The following PCDHA4 variants were observed in gnomAD, a reference collection of about 807,000 sequenced individuals.
The protein encoded by PCDHA4 is protocadherin alpha-4.
PCDHA4 carries 49 observed loss-of-function variants against 61.4 expected under a neutral mutation model. The ratio of observed to expected loss-of-function variants is 0.80; its 90% CI spans 0.63 to 1.01. The LOEUF (loss-of-function observed/expected upper bound fraction) is 1.01, where lower values mean the gene tolerates loss of function less well. PCDHA4 is among the 50% of genes least tolerant of loss of function. The pLI is 0.00. For synonymous variants in PCDHA4, 590 were observed against 550.3 expected (o/e 1.07, Z -1.01); for missense variants, 1,254 against 1,235.8 (o/e 1.01, Z -0.22).
In PCDHA4 at chr5:140,960,243, G is replaced by A. The variant is rs531821446; in HGVS notation, c.2386-18706G>A. On this transcript the variant is annotated intron_variant, in intron 1 of 3. Coordinates refer to ENST00000530339, the MANE Select transcript of PCDHA4 (RefSeq NM_018907.4). The stretch of plus-strand genomic sequence containing the variant: ...AGAAACAGAGCCATGGTAAAAAGAA[G>A]CTTCCTGGAGCTTCTGATAAATTCC... 3.9e-5 allele frequency among the ~76,000 whole-genome samples: 6 copies of A among 152,270 alleles called. No individual in the cohort carries two copies. The East Asian group carries it at 1.2e-3, about 29-fold the overall frequency.
At chr5:140,878,174 T>C (rs1554170323) in intron 1 of PCDHA4, 2 of 167,818 alleles carry the variant, frequency 1.2e-5, no homozygotes, top group African/African-American at 2.4e-5. Flanking sequence ...TGTTCATAAT[T>C]TCAAGATTAC....
chr5:140,856,559 C>T (rs782226001), intron 1 of PCDHA4: 3 of 1,598,104 alleles, frequency 1.9e-6, no homozygotes, highest in Non-Finnish European at 2.6e-6. Context: ...TACTTACAAA[C>T]TCAGTCCAAA....
intron 3 of PCDHA4, among the ~76,000 whole-genome samples, chr5:140,996,757 G>A (rs2097743678): frequency 6.6e-6 from 1 of 152,014 alleles, no homozygotes; most frequent in South Asian, 2.1e-4. Context: ...TATCTGTGCA[G>A]GACTAAAATA....
rs1188351170 is a variant in PCDHA4, at chr5:140,929,610, T to C, written c.2386-49339T>C. 7.3e-6 allele frequency: 3 copies of C among 408,442 alleles called. No individual in the cohort carries two copies. The South Asian group carries it at 4.1e-4, about 55-fold the overall frequency. 25.3% of individuals were successfully genotyped at this position (408,442 alleles called of 1,614,324 possible). On this transcript the variant is annotated intron_variant, in intron 1 of 3. Transcript: ENST00000530339. ...TAAAGGTCTAAAATTAAAAATAAAA[T>C]ACCAAAATATTTTATAAGCAACAGA...
intron 1 of PCDHA4, chr5:140,834,408 C>A (rs1422955156): frequency 1.9e-6 from 3 of 1,609,996 alleles, no homozygotes; most frequent in Non-Finnish European, 2.5e-6. Context: ...TGGATACGAC[C>A]CAGGGGGCCG....
chr5:140,977,077 C>A (rs1303374839), intron 1 of PCDHA4, among the ~76,000 whole-genome samples: 1 of 152,138 alleles, frequency 6.6e-6, no homozygotes, highest in Non-Finnish European at 1.5e-5. Context: ...AGCAGCATGA[C>A]AAATTAAATG....
chr5:140,924,747 T>G (rs1026870483), intron 1 of PCDHA4, among the ~76,000 whole-genome samples: 2 of 151,786 alleles, frequency 1.3e-5, no homozygotes, highest in African/African-American at 4.8e-5. Flanking sequence ...ATACAAAAAT[T>G]AACCGAGCAT....
In PCDHA4 at chr5:140,808,778, C is replaced by T. The variant is rs781867451; in HGVS notation, c.1591C>T (p.Leu531=). 7.4e-6 allele frequency: 12 copies of T among 1,612,450 alleles called. No homozygotes were observed. The highest frequency in any genetic ancestry group is 9.3e-6 in the Non-Finnish European group (11 of 1,179,844). The stretch of plus-strand genomic sequence containing the variant: ...GCTGGACCACGAGGAGCTAGAGCTG[C>T]TGCAGTTTCAGGTGACCGCTCGCGA... ...QPLDHEELEL[L]QFQVTARDAG... Residue 531 remains leucine (L), a synonymous_variant, in exon 1 of 4, where the codon CTG becomes TTG. Transcript: ENST00000530339.
intron 1 of PCDHA4, chr5:140,969,130 C>A (rs1353677478): frequency 2.5e-6 from 4 of 1,614,132 alleles, no homozygotes; most frequent in Non-Finnish European, 1.7e-6. Context: ...GCTCCCTCAC[C>A]AAGACCTACT....
intron 1 of PCDHA4, chr5:140,850,778 C>G (rs371734141): frequency 6.3e-7 from 1 of 1,597,940 alleles, no homozygotes; most frequent in Non-Finnish European, 8.6e-7. Context: ...TGTGCTCTGG[C>G]GAGGGTAAGC....
At chr5:140,928,208 A>G in intron 1 of PCDHA4, 1 of 1,614,228 alleles carries the variant, frequency 6.2e-7, no homozygotes, top group Non-Finnish European at 8.5e-7. Context: ...GCTGATGTGA[A>G]TGACAATACA....
At position 140,850,402 on chromosome 5, in the gene PCDHA4, C is replaced by T. The variant is rs2150482432; in HGVS notation, c.2385+40830C>T. On this transcript the variant is annotated intron_variant, in intron 1 of 3. Coordinates refer to ENST00000530339, the MANE Select transcript of PCDHA4 (RefSeq NM_018907.4). ...ACGGGCGAGATCAGCACAACGCGTG[C>T]CCTGGACGAAACGGACGCACCGCGC... 60 of 1,597,956 alleles carry T rather than the reference C, an allele frequency of 3.8e-5. 2 individuals carry two copies. The East Asian group carries it at 1.1e-3, about 30-fold the overall frequency.
intron 1 of PCDHA4, among the ~76,000 whole-genome samples, chr5:140,827,343 T>C (rs985116670): frequency 1.3e-5 from 2 of 152,128 alleles, no homozygotes; most frequent in African/African-American, 4.8e-5. Flanking sequence ...GTGAAGTATA[T>C]GAAAAGAAAA....
chr5:140,859,125 T>C (rs2045735975), intron 1 of PCDHA4: 1 of 150,194 alleles, frequency 6.7e-6, no homozygotes, highest in East Asian at 1.9e-4. Flanking sequence ...TATGTTTCTT[T>C]TATTTACATA....
chr5:140,898,423 C>T (rs1257208141), intron 1 of PCDHA4, among the ~76,000 whole-genome samples: 1 of 152,106 alleles, frequency 6.6e-6, no homozygotes, highest in African/African-American at 2.4e-5. Flanking sequence ...GCCAGTTTTC[C>T]CAGCACCATT....
At chr5:140,928,096 C>T (rs145229632) in intron 1 of PCDHA4, 1 of 1,614,170 alleles carries the variant, frequency 6.2e-7, no homozygotes, top group Non-Finnish European at 8.5e-7. Context: ...GATTGATGGG[C>T]CCCTGGACCG....
At position 140,850,757 on chromosome 5, in the gene PCDHA4, G is replaced by C. The variant is rs1554144879; in HGVS notation, c.2385+41185G>C. On this transcript the variant is annotated intron_variant, in intron 1 of 3. Coordinates refer to ENST00000530339, the MANE Select transcript of PCDHA4 (RefSeq NM_018907.4). ...GGAGTTGGTCGTACTCGCAGCAGAGGAGGCAGAGGGTGTGCTCTGGCGAGG... is the reference window on the plus strand; with the variant it reads ...GGAGTTGGTCGTACTCGCAGCAGAGCAGGCAGAGGGTGTGCTCTGGCGAGG... The C allele has an allele frequency of 1.3e-5, 20 of 1,597,958 alleles. 2 individuals are homozygous for C. The highest frequency in any genetic ancestry group is 1.4e-5 in the Non-Finnish European group (16 of 1,167,660).
At chr5:140,836,672 C>G (rs2150267448) in intron 1 of PCDHA4, 2 of 1,613,274 alleles carry the variant, frequency 1.2e-6, no homozygotes, top group Non-Finnish European at 1.7e-6. Context: ...CTGGGGAGGG[C>G]CCACCCAAGA....
chr5:140,862,768 G>A (rs1409687409), intron 1 of PCDHA4: 1 of 576,568 alleles, frequency 1.7e-6, no homozygotes, highest in Admixed American at 1.9e-5. Flanking sequence ...CAAGAGGTAC[G>A]CGTTGCAGCC....
Sources: gnomAD v4.1 joint callset for allele counts (sites outside exome capture counted in the v4.1 genomes callset) on GRCh38, gnomAD v4.1.1 for gene constraint, MANE v1.5 for transcripts, NCBI Gene and HGNC (gene_info 2026-07-23, HGNC 2026-07-21) for gene names.